Variants in CLP1 observed in about 807,000 individuals in gnomAD.
CLP1 encodes cleavage factor polyribonucleotide kinase subunit 1.
Under a neutral mutation model 29.9 loss-of-function variants are expected in CLP1, and 18 were observed. That is an observed-to-expected ratio of 0.60 (90% CI 0.42 to 0.89). The LOEUF is 0.89. Ranked by LOEUF, CLP1 falls within the 40% of genes least tolerant of loss-of-function variation. The pLI, the probability that CLP1 is intolerant of heterozygous loss-of-function variation, is 0.00. For missense variants in CLP1, 357 were observed against 544.8 expected (o/e 0.66, Z 3.43); for synonymous variants, 162 against 206.2 (o/e 0.79, Z 1.84).
At position 57,661,414 on chromosome 11, in the gene CLP1, T is replaced by C. The variant is rs764597359; in HGVS notation, c.1256T>C (p.Ile419Thr). The C allele has an allele frequency of 6.2e-7, 1 of 1,612,092 alleles. No homozygotes were observed. Among genetic ancestry groups the C allele is most frequent in the South Asian group, 1.1e-5 (1 of 90,738 alleles). ...AAGAACTTCCTTCTCATCATGGATA[T>C]CCGGTTCATGGATCTGAAGTAGAGA... ...LPKNFLLIMD[I>T]RFMDLK Residue 419 changes from isoleucine (I) to threonine (T), a missense_variant, in exon 3 of 3, where the codon ATC (isoleucine) becomes ACC (threonine). By Grantham distance (89) the Ile-to-Thr change is moderately conservative. Coordinates refer to ENST00000533682, the MANE Select transcript of CLP1 (RefSeq NM_006831.3).
rs1945856497 is a variant in CLP1 at position 57,659,756 on chromosome 11, C to T, written c.280C>T (p.Leu94Phe). ...VSKDTPMLLY[L>F]NTHTALEQMR... ...CAAGGACACTCCTATGTTGCTTTAC[C>T]TCAACACTCACACAGCCTTGGAACA... is the stretch of plus-strand genomic sequence containing the variant. Residue 94 changes from leucine (L) to phenylalanine (F), a missense_variant, in exon 2 of 3, where the codon CTC becomes TTC. By Grantham distance (22) the Leu-to-Phe change is conservative (BLOSUM62 0). Transcript: ENST00000533682. The T allele has an allele frequency of 6.2e-7, 1 of 1,614,144 alleles. No homozygotes were observed. Among genetic ancestry groups the T allele is most frequent in the East Asian group, 2.2e-5 (1 of 44,880 alleles).
rs1945860310 is a variant in CLP1, at chr11:57,660,101, T to G, written c.606+19T>G. 1.3e-6 allele frequency: 2 copies of G among 1,533,624 alleles called. No homozygotes were observed. The highest frequency in any genetic ancestry group is 4.5e-5 in the East Asian group (2 of 44,050). On this transcript the variant is annotated intron_variant, in intron 2 of 2. Coordinates refer to ENST00000533682, the MANE Select transcript of CLP1 (RefSeq NM_006831.3). ...TAATAAGGTCAGAGCCAGAGAAAGG[T>G]GGGGTGGAGGGAAGGGCTGCTATCA...
rs1354789585 is a variant in CLP1, at chr11:57,661,709, C to T, written c.*273C>T. ...ACCCTGGAGAATTGCATTTCTTTCA[C>T]TGTGCTACTATGTGGTTTTTAAAAA... On this transcript the variant is annotated 3_prime_UTR_variant, in exon 3 of 3. Coordinates refer to ENST00000533682, the MANE Select transcript of CLP1 (RefSeq NM_006831.3). 2.3e-6 allele frequency: 1 copy of T among 430,184 alleles called. No individual in the cohort carries two copies. Among genetic ancestry groups the T allele is most frequent in the Admixed American group, 4.0e-5 (1 of 25,108 alleles). The allele number at this position is 430,184 out of a possible 1,614,324, so 26.6% of individuals were successfully genotyped here. A position where few individuals can be genotyped will look rare whatever the true frequency, so the allele number is the denominator to read the frequency against.
In CLP1 at chr11:57,660,849, T is replaced by C; in HGVS notation, c.691T>C (p.Cys231Arg). ...TGTGAGTGGCTGTGTCATTAACACC[T>C]GTGGCTGGGTCAAGGGCTCTGGTTA... The part of the protein sequence containing the change: ...ASVSGCVINT[C>R]GWVKGSGYQA... The change falls in exon 3 of 3, where the codon TGT (cysteine) becomes CGT (arginine). Residue 231 changes from cysteine to arginine, a missense_variant. Transcript: ENST00000533682. The C allele has an allele frequency of 6.2e-7, 1 of 1,614,186 alleles. No homozygotes were observed. The highest frequency in any genetic ancestry group is 1.3e-5 in the African/African-American group (1 of 75,040).
Position 57,659,325 on chromosome 11 carries a change from GTGA to G in CLP1, c.-22-128_-22-126del, listed in dbSNP as rs1394870009. On this transcript the variant is annotated intron_variant, in intron 1 of 2. Coordinates refer to ENST00000533682, the MANE Select transcript of CLP1 (RefSeq NM_006831.3). ...GCTAGTCTTGAACTCCTGACCTCAA[GTGA>G]TCCAGCCACCTCGGCTTCCCAAAGT... 10 of 800,216 alleles carry G rather than the reference GTGA, an allele frequency of 1.2e-5. No individual in the cohort carries two copies. In the Admixed American group the frequency reaches 1.3e-4, roughly 11 times the overall value. 49.6% of individuals were successfully genotyped at this position (800,216 alleles called of 1,614,324 possible).
chr11:57,659,922 A>G lies in CLP1; in HGVS notation c.446A>G (p.Glu149Gly). ...VRLGRRPTYVELDVGQGSVSI... is the reference protein window; with the variant it reads ...VRLGRRPTYVGLDVGQGSVSI... ...TTGGGCCGCCGTCCCACTTATGTGG[A>G]GCTGGATGTGGGCCAGGGTTCTGTG... The change falls in exon 2 of 3, where the codon GAG becomes GGG. Residue 149 changes from glutamate to glycine, a missense_variant. Physicochemically the swap from Glu to Gly is moderately conservative, Grantham distance 98. Transcript: ENST00000533682. 6.2e-7 allele frequency: 1 copy of G among 1,614,168 alleles called. No homozygotes were observed. Among genetic ancestry groups the G allele is most frequent in the Non-Finnish European group, 8.5e-7 (1 of 1,180,026 alleles).
In CLP1 at chr11:57,657,800, T is replaced by A. The variant is rs1302111687; in HGVS notation, c.-83T>A. 1 of 152,598 alleles carries A rather than the reference T, an allele frequency of 6.6e-6. No homozygotes were observed. The highest frequency in any genetic ancestry group is 1.5e-5 in the Non-Finnish European group (1 of 68,282). 9.5% of individuals were successfully genotyped at this position (152,598 alleles called of 1,614,324 possible). Reference sequence around the variant, plus strand: ...GTCCGGGCAAGAACCGCTTGTAGTTTGGTTTAAATTCTGCACGGGAGGACC... The same window carrying A: ...GTCCGGGCAAGAACCGCTTGTAGTTAGGTTTAAATTCTGCACGGGAGGACC... On this transcript the variant is annotated 5_prime_UTR_variant, in exon 1 of 3. Transcript: ENST00000533682.
Position 57,660,864 on chromosome 11 carries a change from G to T in CLP1, c.706G>T (p.Gly236Cys). 4 of 1,614,190 alleles carry T rather than the reference G, an allele frequency of 2.5e-6. No individual in the cohort carries two copies. The highest frequency in any genetic ancestry group is 3.4e-6 in the Non-Finnish European group (4 of 1,180,026). The stretch of plus-strand genomic sequence containing the variant: ...CATTAACACCTGTGGCTGGGTCAAG[G>T]GCTCTGGTTACCAGGCTCTGGTGCA... ...CVINTCGWVK[G>C]SGYQALVHAA... Residue 236 changes from glycine to cysteine, a missense_variant, in exon 3 of 3, where the codon GGC becomes TGC. Coordinates refer to ENST00000533682, the MANE Select transcript of CLP1 (RefSeq NM_006831.3).
rs1363778348 is a variant in CLP1, at chr11:57,659,668, T to G, written c.192T>G (p.Ala64=). The G allele has an allele frequency of 1.9e-6, 3 of 1,614,144 alleles. No individual in the cohort carries two copies. In the Admixed American group the frequency reaches 5.0e-5, roughly 27 times the overall value. Residue 64 remains alanine (A), a synonymous_variant, in exon 2 of 3, where the codon GCT becomes GCG. Transcript: ENST00000533682. ...KFTFDAGAKV[A]VFTWHGCSVQ... Reference sequence around the variant, plus strand: ...CCTTTGATGCTGGTGCCAAGGTGGCTGTTTTCACTTGGCATGGCTGTTCTG... The same window carrying G: ...CCTTTGATGCTGGTGCCAAGGTGGCGGTTTTCACTTGGCATGGCTGTTCTG...
chr11:57,660,733 T>G (rs1945868130), intron 2 of CLP1, 32 bp from the exon 3 acceptor site: 2 of 1,528,134 alleles, frequency 1.3e-6, no homozygotes, highest in Admixed American at 4.1e-5. Flanking sequence ...GTCTGGGTGT[T>G]TTTGTTCTTA....
Position 57,659,968 on chromosome 11 carries a change from G to A in CLP1, c.492G>A (p.Gly164=), listed in dbSNP as rs2135361230. ...QGSVSIPGTM[G]ALYIERPADV... ...CTGTGTCCATCCCTGGTACCATGGG[G>A]GCCCTCTACATCGAGCGGCCTGCAG... Residue 164 remains glycine, a synonymous_variant, in exon 2 of 3, where the codon GGG becomes GGA. Transcript: ENST00000533682. 6.2e-7 allele frequency: 1 copy of A among 1,613,966 alleles called. No individual in the cohort carries two copies.
Position 57,661,214 on chromosome 11 carries a change from A to G in CLP1, c.1056A>G (p.Leu352=). ...CTCAAGAGGATAATCAGCTCAAGCT[A>G]GTACCTGTCACTCCTGGGCGAGATA... ...GMSQEDNQLK[L]VPVTPGRDMV... The change falls in exon 3 of 3, where the codon CTA becomes CTG. Residue 352 remains leucine (L), a synonymous_variant. Coordinates refer to ENST00000533682, the MANE Select transcript of CLP1 (RefSeq NM_006831.3). 1 of 1,614,204 alleles carries G rather than the reference A, an allele frequency of 6.2e-7. No individual in the cohort carries two copies. Among genetic ancestry groups the G allele is most frequent in the Non-Finnish European group, 8.5e-7 (1 of 1,180,020 alleles).
In CLP1 at chr11:57,661,723, G is replaced by T; in HGVS notation, c.*287G>T. 2.9e-6 allele frequency: 1 copy of T among 348,268 alleles called. No individual in the cohort carries two copies. Among genetic ancestry groups the T allele is most frequent in the Admixed American group, 4.3e-5 (1 of 23,368 alleles). 21.6% of individuals were successfully genotyped at this position (348,268 alleles called of 1,614,324 possible). A position where few individuals can be genotyped will look rare whatever the true frequency, so the allele number is the denominator to read the frequency against. On this transcript the variant is annotated 3_prime_UTR_variant, in exon 3 of 3. Coordinates refer to ENST00000533682, the MANE Select transcript of CLP1 (RefSeq NM_006831.3). ...CATTTCTTTCACTGTGCTACTATGT[G>T]GTTTTTAAAAAATCAATGCTTTATA...
Position 57,657,824 on chromosome 11 carries a change from C to G in CLP1, c.-59C>G, listed in dbSNP as rs1168771670. On this transcript the variant is annotated 5_prime_UTR_variant, in exon 1 of 3. Coordinates refer to ENST00000533682, the MANE Select transcript of CLP1 (RefSeq NM_006831.3). Reference sequence around the variant, plus strand: ...TTGGTTTAAATTCTGCACGGGAGGACCTTCTGAGTTTACCTGTTGGGCTCC... The same window carrying G: ...TTGGTTTAAATTCTGCACGGGAGGAGCTTCTGAGTTTACCTGTTGGGCTCC... The G allele has an allele frequency of 6.6e-6, 1 of 152,354 alleles. No individual in the cohort carries two copies. The highest frequency in any genetic ancestry group is 2.1e-4 in the South Asian group (1 of 4,872). 9.4% of individuals were successfully genotyped at this position (152,354 alleles called of 1,614,324 possible). A position where few individuals can be genotyped will look rare whatever the true frequency, so the allele number is the denominator to read the frequency against.
intron 1 of CLP1, among the ~76,000 whole-genome samples, chr11:57,658,851 G>A (rs1018310129): frequency 1.3e-5 from 2 of 152,148 alleles, no homozygotes; most frequent in African/African-American, 4.8e-5. Flanking sequence ...TGTTGGCCAA[G>A]CTGGTCTTGA....
At chr11:57,660,735 T>C in intron 2 of CLP1, 30 bp from the exon 3 acceptor site, 2 of 1,531,420 alleles carry the variant, frequency 1.3e-6, no homozygotes, top group Non-Finnish European at 1.8e-6. Flanking sequence ...CTGGGTGTTT[T>C]TGTTCTTACC....
Position 57,661,519 on chromosome 11 carries a change from T to A in CLP1, c.*83T>A. 8.5e-7 allele frequency: 1 copy of A among 1,181,978 alleles called. No individual in the cohort carries two copies. Among genetic ancestry groups the A allele is most frequent in the Non-Finnish European group, 1.2e-6 (1 of 833,468 alleles). The allele number at this position is 1,181,978 out of a possible 1,614,324, so 73.2% of individuals were successfully genotyped here. The stretch of plus-strand genomic sequence containing the variant: ...GCAGATGGGCTGAGATAAAAGACTG[T>A]TGGGGCCACCTGACCAGTAAACTGT... On this transcript the variant is annotated 3_prime_UTR_variant, in exon 3 of 3. Transcript: ENST00000533682.
Position 57,661,233 on chromosome 11 carries a change from C to T in CLP1, c.1075C>T (p.Arg359Ter), listed in dbSNP as rs371222945. 6.2e-7 allele frequency: 1 copy of T among 1,614,034 alleles called. No individual in the cohort carries two copies. Among genetic ancestry groups the T allele is most frequent in the African/African-American group, 1.3e-5 (1 of 74,902 alleles). ...QLKLVPVTPG[R>*]DMVHHLLSVS... ...CAAGCTAGTACCTGTCACTCCTGGGCGAGATATGGTGCACCACCTACTGAG... is the reference window on the plus strand; with the variant it reads ...CAAGCTAGTACCTGTCACTCCTGGGTGAGATATGGTGCACCACCTACTGAG... Residue 359 changes from arginine to a stop codon, truncating the protein, a stop_gained, in exon 3 of 3, where the codon CGA becomes TGA. Coordinates refer to ENST00000533682, the MANE Select transcript of CLP1 (RefSeq NM_006831.3). LOFTEE classifies it high-confidence loss of function.
intron 1 of CLP1, among the ~76,000 whole-genome samples, chr11:57,658,429 C>G (rs2969936): frequency 0.021 from 3,154 of 152,232 alleles, 115 homozygotes; most frequent in African/African-American, 0.072. Flanking sequence ...TATTGAGGTG[C>G]CTACAGTCTG....
Sources: allele counts gnomAD v4.1 joint callset (sites outside exome capture counted in the v4.1 genomes callset), GRCh38; gene constraint gnomAD v4.1.1; transcripts MANE v1.5; gene names NCBI Gene and HGNC (gene_info 2026-07-23, HGNC 2026-07-21).